NAP1L1: variants seen among roughly 807,000 people sequenced by gnomAD.
NAP1L1 encodes nucleosome assembly protein 1-like 1.
In NAP1L1, 9 loss-of-function variants were observed where a neutral mutation model predicts 58.9. The observed-to-expected ratio is 0.15, with a 90% confidence interval of 0.09 to 0.27. The LOEUF is 0.27. Ranked by LOEUF, NAP1L1 falls within the 10% of genes least tolerant of loss-of-function variation. The pLI, the probability that NAP1L1 is intolerant of heterozygous loss-of-function variation, is 1.00. For missense variants in NAP1L1, 302 were observed against 458.8 expected, an observed-to-expected ratio of 0.66 and a Z score of 3.12; for synonymous variants, 130 against 138.3, an observed-to-expected ratio of 0.94 and a Z score of 0.42.
chr12:76,062,370 T>A (rs1257531659), intron 4 of NAP1L1, among the ~76,000 whole-genome samples: 1 of 152,090 alleles, frequency 6.6e-6, no homozygotes, highest in Non-Finnish European at 1.5e-5. Flanking sequence ...GACCTTCATT[T>A]CTCCCCAAAT....
Position 76,059,957 on chromosome 12 carries a change from C to T in NAP1L1, c.349-79G>A, listed in dbSNP as rs1949327451. Reference sequence around the variant, plus strand: ...AACCAGTGGTTTCTCACTAAGAAGTCTTACAAATTTAACAAATGCATACCA... The same window carrying T: ...AACCAGTGGTTTCTCACTAAGAAGTTTTACAAATTTAACAAATGCATACCA... On this transcript the variant is annotated intron_variant, in intron 5 of 14. Coordinates refer to ENST00000618691, the MANE Select transcript of NAP1L1 (RefSeq NM_004537.7). 3 of 1,295,814 alleles carry T rather than the reference C, an allele frequency of 2.3e-6. No individual in the cohort carries two copies. In the South Asian group the frequency reaches 4.0e-5, roughly 17 times the overall value. 80.3% of individuals were successfully genotyped at this position (1,295,814 alleles called of 1,614,324 possible). A position where few individuals can be genotyped will look rare whatever the true frequency, so the allele number is the denominator to read the frequency against.
intron 14 of NAP1L1, 99 bp downstream of exon 14, chr12:76,049,101 T>A: frequency 1.7e-6 from 2 of 1,212,026 alleles, no homozygotes; most frequent in East Asian, 2.3e-5. Context: ...AGGCTTTATT[T>A]ATTAAAGACT....
At chr12:76,064,386 A>G (rs1458881889) in intron 4 of NAP1L1, among the ~76,000 whole-genome samples, 2 of 152,194 alleles carry the variant, frequency 1.3e-5, no homozygotes, top group Admixed American at 6.5e-5. Flanking sequence ...GAACAATACA[A>G]TAAGCTTGAG....
At chr12:76,049,409 T>A (rs1020308008) in intron 13 of NAP1L1, 159 bp from the exon 14 acceptor site, 6 of 1,533,912 alleles carry the variant, frequency 3.9e-6, no homozygotes, top group Non-Finnish European at 5.2e-6. Context: ...GCTTCTAATA[T>A]GAAAAATTTC....
chr12:76,081,750 T>G (rs905777563), intron 1 of NAP1L1, among the ~76,000 whole-genome samples: 9 of 152,224 alleles, frequency 5.9e-5, no homozygotes, highest in Admixed American at 5.9e-4. Flanking sequence ...GTCATTGTGC[T>G]AAACGACTTA....
Position 76,049,236 on chromosome 12 carries a change from T to C in NAP1L1, c.1104A>G (p.Glu368=). 1 of 1,613,636 alleles carries C rather than the reference T, an allele frequency of 6.2e-7. No homozygotes were observed. The highest frequency in any genetic ancestry group is 1.1e-5 in the South Asian group (1 of 91,070). The change falls in exon 14 of 15, where the codon GAA becomes GAG. Residue 368 remains glutamate, a synonymous_variant. Transcript: ENST00000618691. The part of the protein sequence containing the change: ...GEEADEEGEE[E]GDEENDPDYD... Reference sequence around the variant, plus strand: ...AGTCTGGATCATTTTCCTCATCTCCTTCTTCTTCCCCTTCCTATATTAAAG... The same window carrying C: ...AGTCTGGATCATTTTCCTCATCTCCCTCTTCTTCCCCTTCCTATATTAAAG...
chr12:76,050,208 G>C (rs1948754908), intron 12 of NAP1L1, among the ~76,000 whole-genome samples: 1 of 152,056 alleles, frequency 6.6e-6, no homozygotes, highest in South Asian at 2.1e-4. Flanking sequence ...CCCAGTAAAT[G>C]TTTTCTTGTG....
rs1948653849 is a variant in NAP1L1, at chr12:76,047,955, A to G, written c.*474T>C. On this transcript the variant is annotated 3_prime_UTR_variant, in exon 15 of 15. Transcript: ENST00000618691. The stretch of plus-strand genomic sequence containing the variant: ...TTCTTAACCATATAGTTGTCTTGCC[A>G]ATTTTTTTTTTAAACAATAAATTGT... The G allele has an allele frequency of 6.5e-6, 1 of 154,994 alleles. No individual in the cohort carries two copies. The highest frequency in any genetic ancestry group is 2.4e-5 in the African/African-American group (1 of 41,488). The allele number at this position is 154,994 out of a possible 1,614,324, so 9.6% of individuals were successfully genotyped here. A position where few individuals can be genotyped will look rare whatever the true frequency, so the allele number is the denominator to read the frequency against.
At chr12:76,053,387 C>T (rs1431824004) in intron 9 of NAP1L1, 37 bp from the exon 10 acceptor site, 2 of 1,592,350 alleles carry the variant, frequency 1.3e-6, no homozygotes, top group Non-Finnish European at 8.5e-7. Flanking sequence ...TTACAATTGA[C>T]AATCTTTCAA....
chr12:76,062,902 G>C (rs1949483705), intron 4 of NAP1L1, among the ~76,000 whole-genome samples: 1 of 152,106 alleles, frequency 6.6e-6, no homozygotes, highest in African/African-American at 2.4e-5. Flanking sequence ...TTCTAAAGGT[G>C]TCCAGTGAGA....
chr12:76,079,727 AGGCTATAGTGCAGT>A (rs1950328067), intron 1 of NAP1L1, among the ~76,000 whole-genome samples: 3 of 146,454 alleles, frequency 2.0e-5, no homozygotes, highest in Non-Finnish European at 4.5e-5. Context: ...TCTATTGCCC[AGGCTATAGTGCAGT>A]GGCGTGATCA....
intron 4 of NAP1L1, 35 bp from the exon 5 acceptor site, chr12:76,060,314 G>A (rs1365928489): frequency 1.3e-6 from 2 of 1,594,234 alleles, no homozygotes; most frequent in Non-Finnish European, 1.7e-6. Context: ...TAGCATCAGA[G>A]TAAAATGGAA....
In NAP1L1 at chr12:76,044,273, G is replaced by T. The variant is rs1948577707; in HGVS notation, c.*4156C>A. On this transcript the variant is annotated 3_prime_UTR_variant, in exon 15 of 15. Coordinates refer to ENST00000618691, the MANE Select transcript of NAP1L1 (RefSeq NM_004537.7). ...GCCGAGATCATGCCACTGCACTCCA[G>T]CCTGGGCAACAGAGCAAGACTCTAT... 1.3e-5 allele frequency: 2 copies of T among 152,220 alleles called. No homozygotes were observed. Among genetic ancestry groups the T allele is most frequent in the African/African-American group, 4.8e-5 (2 of 41,442 alleles). The allele number at this position is 152,220 out of a possible 1,614,324, so 9.4% of individuals were successfully genotyped here.
At chr12:76,062,004 G>T (rs1407127357) in intron 4 of NAP1L1, among the ~76,000 whole-genome samples, 1 of 152,116 alleles carries the variant, frequency 6.6e-6, no homozygotes, top group Non-Finnish European at 1.5e-5. Flanking sequence ...ACTGTACAGG[G>T]TAACCAACAA....
At chr12:76,054,696 T>C (rs1948995336) in intron 8 of NAP1L1, among the ~76,000 whole-genome samples, 1 of 152,208 alleles carries the variant, frequency 6.6e-6, no homozygotes, top group Non-Finnish European at 1.5e-5. Context: ...TCTTTCCTCA[T>C]TAGGGAGTGG....
chr12:76,057,734 C>T (rs1565724065), intron 6 of NAP1L1: 2 of 1,548,210 alleles, frequency 1.3e-6, no homozygotes, highest in Non-Finnish European at 8.7e-7. Context: ...AATGAATATG[C>T]AAAACTTACT....
rs551792005 is a variant in NAP1L1 at position 76,038,349 on chromosome 12, T to A, written c.*10080A>T. The stretch of plus-strand genomic sequence containing the variant: ...ACAGTCACTTGGGCAAATACCTCCA[T>A]TTAAGGAACTAAATTCCAAGGATAT... On this transcript the variant is annotated 3_prime_UTR_variant, in exon 15 of 15. Transcript: ENST00000618691. The A allele has an allele frequency of 2.6e-5, 4 of 152,338 alleles. No individual in the cohort carries two copies. Among genetic ancestry groups the A allele is most frequent in the Admixed American group, 2.6e-4 (4 of 15,306 alleles). The allele number at this position is 152,338 out of a possible 1,614,324, so 9.4% of individuals were successfully genotyped here.
chr12:76,071,912 G>A lies in NAP1L1; in HGVS notation c.17+2291C>T, dbSNP rs537247695. 4.0e-5 allele frequency among the ~76,000 whole-genome samples: 6 copies of A among 150,564 alleles called. 1 individual carries two copies. The highest frequency in any genetic ancestry group is 8.8e-5 in the Non-Finnish European group (6 of 67,800). ...CTCTACATTTAAAGGAACACCAGAA[G>A]CCAGATCTTTACCCAGACACTGTTC... On this transcript the variant is annotated intron_variant, in intron 2 of 14. Coordinates refer to ENST00000618691, the MANE Select transcript of NAP1L1 (RefSeq NM_004537.7).
chr12:76,055,140 G>T, intron 7 of NAP1L1, 50 bp from the exon 8 acceptor site: 1 of 1,320,238 alleles, frequency 7.6e-7, no homozygotes. Flanking sequence ...TTCGAGGACT[G>T]TGTTCTGTTA....
Sources: allele counts gnomAD v4.1 joint callset (sites outside exome capture counted in the v4.1 genomes callset), GRCh38; gene constraint gnomAD v4.1.1; transcripts MANE v1.5; gene names NCBI Gene and HGNC (gene_info 2026-07-23, HGNC 2026-07-21).